The following CA12 variants were observed in gnomAD, a reference collection of about 807,000 sequenced individuals.
CA12 encodes the protein carbonic anhydrase 12.
In CA12, 36 loss-of-function variants were observed where a neutral mutation model predicts 46.8. The observed-to-expected ratio is 0.77, with a 90% CI of 0.59 to 1.02. CA12 has a LOEUF of 1.02. Ranked by LOEUF, CA12 falls within the 50% of genes least tolerant of loss-of-function variation. The pLI, the probability that CA12 is intolerant of heterozygous loss-of-function variation, is 0.00. For synonymous variants in CA12, 202 were observed against 187.0 expected (o/e 1.08, Z -0.65); for missense variants, 436 against 451.4 (o/e 0.97, Z 0.31).
rs954961220 is a variant in CA12, at chr15:63,327,011, C to T, written c.992+138G>A. ...TGCAAAGGAGGCCAGGGCACGGGTGCTTTGGGGACGGCCCTCCTAGGGTAA... is the reference window on the plus strand; with the variant it reads ...TGCAAAGGAGGCCAGGGCACGGGTGTTTTGGGGACGGCCCTCCTAGGGTAA... On this transcript the variant is annotated intron_variant, in intron 10 of 10. Transcript: ENST00000178638. This position sits in a 1 kb window ranked among gnomAD's most constrained non-coding sequence, Gnocchi z 4.5. The T allele has an allele frequency of 2.1e-5, 16 of 746,518 alleles. No individual in the cohort carries two copies. Among genetic ancestry groups the T allele is most frequent in the South Asian group, 1.3e-4 (9 of 67,436 alleles). The allele number at this position is 746,518 out of a possible 1,614,324, so 46.2% of individuals were successfully genotyped here.
chr15:63,340,527 A>G lies in CA12; in HGVS notation c.590-82T>C. 1 of 1,575,494 alleles carries G rather than the reference A, an allele frequency of 6.3e-7. No homozygotes were observed. The highest frequency in any genetic ancestry group is 8.7e-7 in the Non-Finnish European group (1 of 1,144,986). On this transcript the variant is annotated intron_variant, in intron 6 of 10. Coordinates refer to ENST00000178638, the MANE Select transcript of CA12 (RefSeq NM_001218.5). The surrounding 1 kb of genome is among the most constrained non-coding windows in gnomAD (Gnocchi z 4.4). ...GCAGCTGAACAGAGCGACTGAGCCT[A>G]GAAACATGAACTAGCCCCTTTCAGG...
At chr15:63,366,424 T>C (rs2039435635) in intron 2 of CA12, among the ~76,000 whole-genome samples, 1 of 152,184 alleles carries the variant, frequency 6.6e-6, no homozygotes. Context: ...TTTAATCCTT[T>C]CCTCCAAAAT....
chr15:63,380,039 C>T (rs1266791813), intron 1 of CA12, among the ~76,000 whole-genome samples: 1 of 152,220 alleles, frequency 6.6e-6, no homozygotes, highest in Non-Finnish European at 1.5e-5. Context: ...CCACCTCCAA[C>T]TTTGGGTTCA....
rs562083405 is a variant in CA12 at position 63,322,477 on chromosome 15, T to A, written c.*3808A>T. The A allele has an allele frequency of 3.3e-5, 5 of 152,294 alleles. No homozygotes were observed. Among genetic ancestry groups the A allele is most frequent in the African/African-American group, 9.6e-5 (4 of 41,556 alleles). 9.4% of individuals were successfully genotyped at this position (152,294 alleles called of 1,614,324 possible). On this transcript the variant is annotated 3_prime_UTR_variant, in exon 11 of 11. Transcript: ENST00000178638. The surrounding 1 kb of genome is among the most constrained non-coding windows in gnomAD (Gnocchi z 4.1). ...ATACGTGTCTCATGTTATATTTTAT[T>A]ACATTTCTCTCGGCCTGTGTGCTCT...
rs931843294 is a variant in CA12, at chr15:63,378,055, G to A, written c.86-2377C>T. ...TAAGTGGAGGAGTCCAGACCCCCTGGAGTATCCGATGAGTATTATGGACCT... is the reference window on the plus strand; with the variant it reads ...TAAGTGGAGGAGTCCAGACCCCCTGAAGTATCCGATGAGTATTATGGACCT... On this transcript the variant is annotated intron_variant, in intron 1 of 10. Coordinates refer to ENST00000178638, the MANE Select transcript of CA12 (RefSeq NM_001218.5). This position sits in a 1 kb window ranked among gnomAD's most constrained non-coding sequence, Gnocchi z 4.8. Among the ~76,000 whole-genome samples, 10 of 152,138 alleles carry A rather than the reference G, an allele frequency of 6.6e-5. No homozygotes were observed. The highest frequency in any genetic ancestry group is 2.4e-4 in the African/African-American group (10 of 41,418).
chr15:63,332,668 T>C (rs745723629), intron 8 of CA12, among the ~76,000 whole-genome samples: 13 of 152,224 alleles, frequency 8.5e-5, no homozygotes, highest in Non-Finnish European at 1.6e-4. Context: ...TTCTGATCGT[T>C]AATCTCTCTT....
chr15:63,377,194 A>G (rs2039588687), intron 1 of CA12, among the ~76,000 whole-genome samples: 2 of 152,128 alleles, frequency 1.3e-5, no homozygotes, highest in Admixed American at 1.3e-4. Context: ...GACCCTGAGT[A>G]GAGAAGCATC....
chr15:63,331,507 G>A lies in CA12; in HGVS notation c.875-3377C>T, dbSNP rs1163309989. ...AGGCTAGGTCACAGAGGTGGCCCACGAGAGGCATCGAGTGGCAGCCCAACA... is the reference window on the plus strand; with the variant it reads ...AGGCTAGGTCACAGAGGTGGCCCACAAGAGGCATCGAGTGGCAGCCCAACA... On this transcript the variant is annotated intron_variant, in intron 8 of 10. Coordinates refer to ENST00000178638, the MANE Select transcript of CA12 (RefSeq NM_001218.5). This position sits in a 1 kb window ranked among gnomAD's most constrained non-coding sequence, Gnocchi z 5.3. Among the ~76,000 whole-genome samples, 2 of 152,218 alleles carry A rather than the reference G, an allele frequency of 1.3e-5. No individual in the cohort carries two copies. Among genetic ancestry groups the A allele is most frequent in the Admixed American group, 6.5e-5 (1 of 15,286 alleles).
chr15:63,367,532 C>A (rs1182088228), intron 2 of CA12, among the ~76,000 whole-genome samples: 1 of 152,218 alleles, frequency 6.6e-6, no homozygotes, highest in East Asian at 1.9e-4. Flanking sequence ...ACCTAGGAGA[C>A]TTTGCAGAGC....
At chr15:63,359,514 C>G (rs1023404917) in intron 2 of CA12, among the ~76,000 whole-genome samples, 1 of 151,264 alleles carries the variant, frequency 6.6e-6, no homozygotes, top group African/African-American at 2.4e-5. Flanking sequence ...TATATATGTA[C>G]ACACACACAC....
rs918030585 is a variant in CA12, at chr15:63,345,525, G to T, written c.381C>A (p.Asp127Glu). The T allele has an allele frequency of 2.5e-6, 4 of 1,612,534 alleles. No individual in the cohort carries two copies. Among genetic ancestry groups the T allele is most frequent in the Non-Finnish European group, 3.4e-6 (4 of 1,180,016 alleles). Residue 127 changes from aspartate to glutamate, a missense_variant, in exon 4 of 11, where the codon GAC becomes GAA. Physicochemically the swap from Asp to Glu is conservative, Grantham distance 45. Transcript: ENST00000178638. This position sits in a 1 kb window ranked among gnomAD's most constrained non-coding sequence, Gnocchi z 4.3. Reference sequence around the variant, plus strand: ...TGACGGTGTGCTCAGAGCCGTGCGGGTCATTCGGGTTCCCCCAGTGCAGGT... The same window carrying T: ...TGACGGTGTGCTCAGAGCCGTGCGGTTCATTCGGGTTCCCCCAGTGCAGGT... The part of the protein sequence containing the change: ...QLHLHWGNPN[D>E]PHGSEHTVSG...
chr15:63,354,947 G>A (rs1337454583), intron 2 of CA12, among the ~76,000 whole-genome samples: 1 of 152,178 alleles, frequency 6.6e-6, no homozygotes, highest in Non-Finnish European at 1.5e-5. Context: ...TTTACACACT[G>A]GTGTCAAGGC....
chr15:63,337,810 C>T (rs1163541750), intron 8 of CA12, among the ~76,000 whole-genome samples: 1 of 152,150 alleles, frequency 6.6e-6, no homozygotes, highest in Admixed American at 6.5e-5. Flanking sequence ...CTCCTGACCT[C>T]AGGTGATCCG....
chr15:63,351,617 C>T (rs985957768), intron 2 of CA12, among the ~76,000 whole-genome samples: 3 of 152,184 alleles, frequency 2.0e-5, no homozygotes, highest in African/African-American at 7.2e-5. Context: ...TCACAAATGC[C>T]GTTATGAAAA....
At chr15:63,354,632 G>T (rs1370854068) in intron 2 of CA12, among the ~76,000 whole-genome samples, 1 of 152,106 alleles carries the variant, frequency 6.6e-6, no homozygotes, top group African/African-American at 2.4e-5. Context: ...GATTTAGAGG[G>T]GACATGAAGG....
intron 2 of CA12, chr15:63,375,422 C>A (rs900872924): frequency 4.1e-6 from 2 of 487,242 alleles, no homozygotes; most frequent in African/African-American, 2.0e-5. Context: ...AGCCTGGACA[C>A]TATGACTCAC....
Position 63,327,356 on chromosome 15 carries a change from A to G in CA12, c.908-123T>C, listed in dbSNP as rs2038880921. On this transcript the variant is annotated intron_variant, in intron 9 of 10. Coordinates refer to ENST00000178638, the MANE Select transcript of CA12 (RefSeq NM_001218.5). The surrounding 1 kb of genome is among the most constrained non-coding windows in gnomAD (Gnocchi z 4.5). ...ATCCACAGAAAGGAATAATTTCCCCATCCCTGTTCTCAGATTCTGGTCTTT... is the reference window on the plus strand; with the variant it reads ...ATCCACAGAAAGGAATAATTTCCCCGTCCCTGTTCTCAGATTCTGGTCTTT... 1.2e-6 allele frequency: 1 copy of G among 800,084 alleles called. No individual in the cohort carries two copies. The highest frequency in any genetic ancestry group is 2.1e-6 in the Non-Finnish European group (1 of 469,126). 49.6% of individuals were successfully genotyped at this position (800,084 alleles called of 1,614,324 possible). A position where few individuals can be genotyped will look rare whatever the true frequency, so the allele number is the denominator to read the frequency against.
At chr15:63,349,464 G>A (rs528413788) in intron 2 of CA12, among the ~76,000 whole-genome samples, 8 of 152,238 alleles carry the variant, frequency 5.3e-5, no homozygotes, top group East Asian at 1.9e-4. Context: ...AGCGGAGTTC[G>A]TCCTTGGGCA....
At chr15:63,344,248 C>A (rs886422233) in intron 4 of CA12, among the ~76,000 whole-genome samples, 8 of 152,224 alleles carry the variant, frequency 5.3e-5, no homozygotes, top group African/African-American at 1.9e-4. Flanking sequence ...TTGCCTCTTA[C>A]CTCCCCACAC....
Sources: allele counts gnomAD v4.1 joint callset (sites outside exome capture counted in the v4.1 genomes callset), GRCh38; gene constraint gnomAD v4.1.1; non-coding constraint Gnocchi (gnomAD v3.1); transcripts MANE v1.5; gene names NCBI Gene and HGNC (gene_info 2026-07-23, HGNC 2026-07-21).